Variants in ANKFN1 observed in about 807,000 individuals in gnomAD.
The protein encoded by ANKFN1 is ankyrin repeat and fibronectin type III domain containing 1.
A neutral mutation model predicts 108.7 loss-of-function variants in ANKFN1; 74 were observed. The observed-to-expected ratio is 0.68, with a 90% CI of 0.56 to 0.83. The LOEUF is 0.83. Among genes scored for constraint, ANKFN1 ranks in the 40% least tolerant of loss-of-function variants. ANKFN1 has a pLI of 0.00. For synonymous variants in ANKFN1, 547 were observed against 516.2 expected (o/e 1.06, Z -0.81); for missense variants, 1,505 against 1,382.3 (o/e 1.09, Z -1.41).
intron 4 of ANKFN1, among the ~76,000 whole-genome samples, chr17:56,339,427 A>C (rs1311717759): frequency 6.6e-6 from 1 of 151,996 alleles, no homozygotes; most frequent in East Asian, 1.9e-4. Flanking sequence ...CCTAGTACCC[A>C]TTAGTTGTTT....
chr17:56,486,863 A>G (rs1450405717), intron 18 of ANKFN1, among the ~76,000 whole-genome samples: 1 of 152,350 alleles, frequency 6.6e-6, no homozygotes, highest in Admixed American at 6.5e-5. Flanking sequence ...TTTGACTTGT[A>G]TAAGTCATCC....
At chr17:56,213,284 G>A (rs1055327996) in intron 2 of ANKFN1, among the ~76,000 whole-genome samples, 1 of 152,138 alleles carries the variant, frequency 6.6e-6, no homozygotes, top group South Asian at 2.1e-4. Flanking sequence ...CAAGACAGCA[G>A]GCCCCTGACT....
At chr17:56,457,043 A>T (rs893251812) in intron 12 of ANKFN1, 83 bp downstream of exon 12, 9 of 1,346,448 alleles carry the variant, frequency 6.7e-6, no homozygotes, top group Admixed American at 4.7e-5. Context: ...CTTGGTAGAA[A>T]TTTTTTTGTG....
chr17:56,281,187 T>C (rs1299343237), intron 3 of ANKFN1, among the ~76,000 whole-genome samples: 1 of 150,508 alleles, frequency 6.6e-6, no homozygotes, highest in Admixed American at 6.6e-5. Flanking sequence ...GTAATCCAGA[T>C]ATATAGTATT....
chr17:56,086,645 C>G lies in ANKFN1; in HGVS notation c.288+40320C>G, dbSNP rs191982883. Among the ~76,000 whole-genome samples, 318 of 151,354 alleles carry G rather than the reference C, an allele frequency of 2.1e-3. 12 individuals are homozygous for G. Among genetic ancestry groups the G allele is most frequent in the Non-Finnish European group, 3.5e-3 (236 of 67,710 alleles). On this transcript the variant is annotated intron_variant, in intron 4 of 12. Transcript: ENST00000635860. Reference sequence around the variant, plus strand: ...AACCATATGTTGGAGATAATCCCATCCTGGACAGCAGTCCTGGCTTCCAGA... The same window carrying G: ...AACCATATGTTGGAGATAATCCCATGCTGGACAGCAGTCCTGGCTTCCAGA...
intron 4 of ANKFN1, among the ~76,000 whole-genome samples, chr17:56,143,176 C>T (rs1263882539): frequency 6.6e-6 from 1 of 152,104 alleles, no homozygotes; most frequent in Non-Finnish European, 1.5e-5. Flanking sequence ...AGTTTGGGGG[C>T]TTCACGCATG....
chr17:56,505,088 G>A (rs1177816031), intron 20 of ANKFN1, among the ~76,000 whole-genome samples: 3 of 152,088 alleles, frequency 2.0e-5, no homozygotes, highest in Non-Finnish European at 4.4e-5. Flanking sequence ...AGCAAGACAG[G>A]ACTTCAGTCC....
At chr17:56,507,154 C>T (rs1300669906) in intron 20 of ANKFN1, among the ~76,000 whole-genome samples, 1 of 152,154 alleles carries the variant, frequency 6.6e-6, no homozygotes, top group Admixed American at 6.5e-5. Context: ...CAGTTATGTT[C>T]TCTTCTTCCT....
intron 4 of ANKFN1, among the ~76,000 whole-genome samples, chr17:56,113,737 G>A (rs72829737): frequency 0.038 from 5,775 of 152,286 alleles, 120 homozygotes; most frequent in Middle Eastern, 0.082. Flanking sequence ...ACAATAGCTA[G>A]TATATTACTA....
At position 56,228,194 on chromosome 17, in the gene ANKFN1, T is replaced by C. The variant is rs576147906; in HGVS notation, c.53+237T>C. The C allele has an allele frequency of 1.2e-5, 5 of 430,010 alleles. No individual in the cohort carries two copies. The East Asian group carries it at 1.6e-4, about 14-fold the overall frequency. The allele number at this position is 430,010 out of a possible 1,614,324, so 26.6% of individuals were successfully genotyped here. ...TGACAATATTACGTCTAAAGGTAGA[T>C]AAAAGTGAGGAGTAAAAAAATAGGC... On this transcript the variant is annotated intron_variant, in intron 3 of 20. Transcript: ENST00000682825.
chr17:56,211,210 GT>G (rs1914970216), intron 1 of ANKFN1, among the ~76,000 whole-genome samples: 1 of 152,070 alleles, frequency 6.6e-6, no homozygotes, highest in African/African-American at 2.4e-5. Flanking sequence ...TTCCAAAGTT[GT>G]CTTCTAGAAT....
intron 4 of ANKFN1, among the ~76,000 whole-genome samples, chr17:56,146,068 C>T (rs1908240293): frequency 6.6e-6 from 1 of 152,190 alleles, no homozygotes; most frequent in Admixed American, 6.5e-5. Context: ...AACTAAGGGG[C>T]TACAGGCCCC....
intron 10 of ANKFN1, among the ~76,000 whole-genome samples, chr17:56,443,621 T>C (rs2049188299): frequency 6.6e-6 from 1 of 152,194 alleles, no homozygotes; most frequent in African/African-American, 2.4e-5. Context: ...AAAAAAGCTT[T>C]CTTACTAACA....
At chr17:56,480,854 T>C in intron 17 of ANKFN1, 36 bp downstream of exon 17, 1 of 1,602,566 alleles carries the variant, frequency 6.2e-7, no homozygotes, top group South Asian at 1.1e-5. Context: ...TCTTTTTTTA[T>C]GGCTCATGGA....
At chr17:56,432,252 A>G (rs984990715) in intron 8 of ANKFN1, among the ~76,000 whole-genome samples, 2 of 152,230 alleles carry the variant, frequency 1.3e-5, no homozygotes, top group African/African-American at 4.8e-5. Context: ...GTGACGATCT[A>G]TCTGGACATC....
intron 4 of ANKFN1, among the ~76,000 whole-genome samples, chr17:56,108,571 G>A (rs983715336): frequency 6.6e-6 from 1 of 152,164 alleles, no homozygotes; most frequent in African/African-American, 2.4e-5. Context: ...TTACAAATAA[G>A]GAAACTAAGT....
At chr17:56,464,924 G>T (rs893106800) in intron 14 of ANKFN1, among the ~76,000 whole-genome samples, 13 of 152,110 alleles carry the variant, frequency 8.5e-5, no homozygotes, top group African/African-American at 2.9e-4. Context: ...AGGTTTAATA[G>T]CAATGGTAGG....
chr17:56,302,265 C>T lies in ANKFN1; in HGVS notation c.54-23956C>T, dbSNP rs1164693409. On this transcript the variant is annotated intron_variant, in intron 3 of 20. Coordinates refer to ENST00000682825, the MANE Select transcript of ANKFN1 (RefSeq NM_001370326.1). Reference sequence around the variant, plus strand: ...TACTCTTTCTTTAAAAGAAAAATGCCGGTAATCCCGTTCCTTGGGGAGCCT... The same window carrying T: ...TACTCTTTCTTTAAAAGAAAAATGCTGGTAATCCCGTTCCTTGGGGAGCCT... 3.9e-5 allele frequency among the ~76,000 whole-genome samples: 6 copies of T among 152,138 alleles called. 1 individual carries two copies. The highest frequency in any genetic ancestry group is 6.5e-5 in the Admixed American group (1 of 15,268).
At chr17:56,400,289 A>C (rs1567973361) in intron 8 of ANKFN1, among the ~76,000 whole-genome samples, 1 of 151,966 alleles carries the variant, frequency 6.6e-6, no homozygotes, top group Non-Finnish European at 1.5e-5. Flanking sequence ...TTGCAGGATT[A>C]AGGTGGTATC....
Sources: gnomAD v4.1 joint callset for allele counts (sites outside exome capture counted in the v4.1 genomes callset) on GRCh38, gnomAD v4.1.1 for gene constraint, MANE v1.5 for transcripts, NCBI Gene and HGNC (gene_info 2026-07-23, HGNC 2026-07-21) for gene names.